The following TAF8 variants were observed in gnomAD, a reference collection of about 807,000 sequenced individuals.
TAF8 encodes the protein transcription initiation factor TFIID subunit 8.
In TAF8, 47 loss-of-function variants were observed where a neutral mutation model predicts 36.5. The observed-to-expected ratio is 1.29, with a 90% CI of 1.02 to 1.64. The LOEUF is 1.64. Ranked by LOEUF, TAF8 falls within the 40% of genes most tolerant of loss-of-function variation. The pLI is 0.00. For missense variants in TAF8, 420 were observed against 407.6 expected (o/e 1.03, Z -0.26); for synonymous variants, 175 against 159.5 (o/e 1.10, Z -0.73).
At chr6:42,056,377 G>A (rs563220433) in intron 4 of TAF8, 8 of 243,552 alleles carry the variant, frequency 3.3e-5, no homozygotes, top group Non-Finnish European at 4.9e-5. Context: ...AAGTCTTATC[G>A]GAATGCAGCC....
At chr6:42,060,640 C>T (rs562795963) in intron 5 of TAF8, among the ~76,000 whole-genome samples, 1 of 152,224 alleles carries the variant, frequency 6.6e-6, no homozygotes, top group South Asian at 2.1e-4. Context: ...TACAGAGACT[C>T]TGTGTGGACG....
At chr6:42,085,801 A>G (rs554054925), downstream of TAF8, among the ~76,000 whole-genome samples, 736 of 152,282 alleles carry the variant, frequency 4.8e-3, 10 homozygotes, top group African/African-American at 0.017. Flanking sequence ...CCTGGCCAAC[A>G]TGGTGAAACC....
At chr6:42,086,523 A>C (rs1018670948), downstream of TAF8, among the ~76,000 whole-genome samples, 2 of 152,146 alleles carry the variant, frequency 1.3e-5, no homozygotes, top group Non-Finnish European at 2.9e-5. Context: ...AGGGGTGCAC[A>C]TGTGTGAGGT....
At chr6:42,076,463 A>G (rs1283898967) in intron 7 of TAF8, among the ~76,000 whole-genome samples, 1 of 152,130 alleles carries the variant, frequency 6.6e-6, no homozygotes, top group East Asian at 1.9e-4. Context: ...CAGGCAAACA[A>G]ACAAACCCTG....
chr6:42,050,689 A>T, intron 1 of TAF8, 103 bp downstream of exon 1: 1 of 1,355,510 alleles, frequency 7.4e-7, no homozygotes, highest in Admixed American at 2.8e-5. Flanking sequence ...CAGCCCCATC[A>T]TGAGCTCCGA....
Position 42,079,940 on chromosome 6 carries a change from C to G in TAF8, c.*2395C>G. 1 of 984,942 alleles carries G rather than the reference C, an allele frequency of 1.0e-6. No homozygotes were observed. Among genetic ancestry groups the G allele is most frequent in the South Asian group, 4.7e-5 (1 of 21,248 alleles). The allele number at this position is 984,942 out of a possible 1,614,324, so 61.0% of individuals were successfully genotyped here. On this transcript the variant is annotated 3_prime_UTR_variant, in exon 9 of 9. Transcript: ENST00000372977. ...AGCAGGCTCCATGTTCTTCTGGCCT[C>G]ACTGTACTGTGTAAGGAAAGAGCTG...
At chr6:42,076,345 G>T (rs1289277511) in intron 7 of TAF8, among the ~76,000 whole-genome samples, 2 of 152,116 alleles carry the variant, frequency 1.3e-5, no homozygotes, top group Non-Finnish European at 2.9e-5. Flanking sequence ...AGCTACTTGG[G>T]AGGCTGAAGC....
In TAF8 at chr6:42,081,017, CTT is replaced by C; in HGVS notation, c.*3475_*3476del. On this transcript the variant is annotated 3_prime_UTR_variant, in exon 9 of 9. Coordinates refer to ENST00000372977, the MANE Select transcript of TAF8 (RefSeq NM_138572.3). Reference sequence around the variant, plus strand: ...AAGCACACCTGGGAACTTAGTAAAACTTTTATTTTGGAAATTTTCAAATACAA... The same window carrying C: ...AAGCACACCTGGGAACTTAGTAAAACTTATTTTGGAAATTTTCAAATACAA... The C allele has an allele frequency of 1.0e-6, 1 of 978,584 alleles. No individual in the cohort carries two copies. Among genetic ancestry groups the C allele is most frequent in the Non-Finnish European group, 1.2e-6 (1 of 823,758 alleles). The allele number at this position is 978,584 out of a possible 1,614,324, so 60.6% of individuals were successfully genotyped here. A position where few individuals can be genotyped will look rare whatever the true frequency, so the allele number is the denominator to read the frequency against.
chr6:42,079,715 A>T lies in TAF8; in HGVS notation c.*2170A>T, dbSNP rs1180133566. The T allele has an allele frequency of 3.0e-5, 13 of 433,388 alleles. No homozygotes were observed. Among genetic ancestry groups the T allele is most frequent in the South Asian group, 1.0e-4 (1 of 9,974 alleles). The allele number at this position is 433,388 out of a possible 1,614,324, so 26.8% of individuals were successfully genotyped here. A position where few individuals can be genotyped will look rare whatever the true frequency, so the allele number is the denominator to read the frequency against. ...AGATGCCCGCCACCACATCTGGCTA[A>T]TTTTTTTTTTTTTTTTTTAGTAGAC... On this transcript the variant is annotated 3_prime_UTR_variant, in exon 9 of 9. Transcript: ENST00000372977.
Position 42,051,558 on chromosome 6 carries a change from AGTTCTGT to A in TAF8, c.202+47_202+53del, listed in dbSNP as rs1764790460. 5 of 1,590,870 alleles carry A rather than the reference AGTTCTGT, an allele frequency of 3.1e-6. No individual in the cohort carries two copies. The South Asian group carries it at 5.6e-5, about 18-fold the overall frequency. ...TGGCCTTGGAGTCAACCCCAACATC[AGTTCTGT>A]GCCCTGCTTTGTGATAGTGTTTGAG... On this transcript the variant is annotated intron_variant, in intron 2 of 8. Transcript: ENST00000372977.
rs560711790 is a variant in TAF8, at chr6:42,069,152, A to T, written c.780+545A>T. On this transcript the variant is annotated intron_variant, in intron 7 of 8. Coordinates refer to ENST00000372977, the MANE Select transcript of TAF8 (RefSeq NM_138572.3). ...TGAACAAGGAGGAGAACAGTAGGGG[A>T]TGAGGTCCGAGAGGGCCCACGGGGA... 9.2e-5 allele frequency among the ~76,000 whole-genome samples: 14 copies of T among 152,262 alleles called. 1 individual carries two copies. The South Asian group carries it at 2.9e-3, about 32-fold the overall frequency.
rs1013898252 is a variant in TAF8, at chr6:42,053,433, C to T, written c.202+1920C>T. ...GCAAAAAATTAGCTGGATGTGGTGGCGGGCGCCTGTAATTACAGCTACTCG... is the reference window on the plus strand; with the variant it reads ...GCAAAAAATTAGCTGGATGTGGTGGTGGGCGCCTGTAATTACAGCTACTCG... On this transcript the variant is annotated intron_variant, in intron 2 of 8. Coordinates refer to ENST00000372977, the MANE Select transcript of TAF8 (RefSeq NM_138572.3). Among the ~76,000 whole-genome samples the T allele has an allele frequency of 1.5e-4, 22 of 151,690 alleles. 2 individuals are homozygous for T. The South Asian group carries it at 1.5e-3, about 10-fold the overall frequency.
chr6:42,085,101 C>T (rs993441181), downstream of TAF8, among the ~76,000 whole-genome samples: 3 of 152,208 alleles, frequency 2.0e-5, no homozygotes, highest in South Asian at 4.1e-4. Context: ...CCAGCAAATA[C>T]GGACACATTT....
chr6:42,050,834 C>G (rs1268429536), intron 1 of TAF8: 1 of 978,692 alleles, frequency 1.0e-6, no homozygotes, highest in Admixed American at 3.9e-5. Flanking sequence ...CCCGATTGGT[C>G]TGAAGATGCC....
Position 42,080,012 on chromosome 6 carries a change from G to A in TAF8, c.*2467G>A. 2.0e-6 allele frequency: 2 copies of A among 983,360 alleles called. No homozygotes were observed. The highest frequency in any genetic ancestry group is 2.4e-6 in the Non-Finnish European group (2 of 828,234). The allele number at this position is 983,360 out of a possible 1,614,324, so 60.9% of individuals were successfully genotyped here. ...GACGCTAGTAAAAAAAAAAAAATTG[G>A]ATTCCCCAACTGGACTAAATAGGAG... On this transcript the variant is annotated 3_prime_UTR_variant, in exon 9 of 9. Coordinates refer to ENST00000372977, the MANE Select transcript of TAF8 (RefSeq NM_138572.3).
chr6:42,057,532 G>A lies in TAF8; in HGVS notation c.489+19G>A. 6.2e-7 allele frequency: 1 copy of A among 1,613,918 alleles called. No homozygotes were observed. Among genetic ancestry groups the A allele is most frequent in the Non-Finnish European group, 8.5e-7 (1 of 1,179,926 alleles). ...AACTCCGGTGAGTGATGAAGCACTG[G>A]GACTGCGCGTGGTGTAAAGCACGGA... On this transcript the variant is annotated intron_variant, in intron 5 of 8. Transcript: ENST00000372977.
chr6:42,062,529 CTTTTTTTTTTTTTT>C (rs1174119617), intron 5 of TAF8, among the ~76,000 whole-genome samples: 2 of 78,730 alleles, frequency 2.5e-5, no homozygotes, highest in Non-Finnish European at 4.5e-5. Context: ...TTAAGACAAT[CTTTTTTTTTTTTTT>C]TTTTTTTTTT....
rs370519286 is a variant in TAF8, at chr6:42,051,559, G to A, written c.202+46G>A. 14 of 1,589,876 alleles carry A rather than the reference G, an allele frequency of 8.8e-6. No homozygotes were observed. In the African/African-American group the frequency reaches 9.4e-5, roughly 11 times the overall value. ...GGCCTTGGAGTCAACCCCAACATCA[G>A]TTCTGTGCCCTGCTTTGTGATAGTG... On this transcript the variant is annotated intron_variant, in intron 2 of 8. Transcript: ENST00000372977.
downstream of TAF8, among the ~76,000 whole-genome samples, chr6:42,086,054 G>A (rs1766020312): frequency 6.6e-6 from 1 of 152,200 alleles, no homozygotes; most frequent in African/African-American, 2.4e-5. Flanking sequence ...CTATCTGAGA[G>A]CCAGACGCCG....
Sources: allele counts gnomAD v4.1 joint callset (sites outside exome capture counted in the v4.1 genomes callset), GRCh38; gene constraint gnomAD v4.1.1; transcripts MANE v1.5; gene names NCBI Gene and HGNC (gene_info 2026-07-23, HGNC 2026-07-21).